TENM2: variants seen among roughly 807,000 people sequenced by gnomAD.
TENM2 encodes the protein teneurin transmembrane protein 2.
TENM2 carries 52 observed loss-of-function variants against 245.2 expected under a neutral mutation model. The observed-to-expected ratio is 0.21, with a 90% confidence interval of 0.17 to 0.27. TENM2 has a LOEUF of 0.27. Among genes scored for constraint, TENM2 ranks in the 10% least tolerant of loss-of-function variants. TENM2 has a pLI of 1.00. For missense variants in TENM2, 3,046 were observed against 3,666.8 expected, an observed-to-expected ratio of 0.83 and a Z score of 4.37; for synonymous variants, 1,363 against 1,438.9, an observed-to-expected ratio of 0.95 and a Z score of 1.19.
rs151312501 is a variant in TENM2 at position 168,260,992 on chromosome 5, C to T, written c.7563+579C>T. 1.4e-4 allele frequency among the ~76,000 whole-genome samples: 21 copies of T among 152,258 alleles called. No individual in the cohort carries two copies. In the East Asian group the frequency reaches 3.1e-3, roughly 22 times the overall value. ...CAGATAACCCCTGCTACAGAACCGG[C>T]GCTCAGCACTATCAAAGTCTGAAAG... On this transcript the variant is annotated intron_variant, in intron 28 of 28. Transcript: ENST00000518659.
intron 2 of TENM2, among the ~76,000 whole-genome samples, chr5:167,765,061 C>T (rs1029820118): frequency 6.6e-6 from 1 of 152,024 alleles, no homozygotes; most frequent in East Asian, 1.9e-4. Context: ...CTTGGGCTGG[C>T]GAGAGGCCTT....
chr5:167,815,817 G>T (rs147427042), intron 2 of TENM2, among the ~76,000 whole-genome samples: 1 of 151,406 alleles, frequency 6.6e-6, no homozygotes, highest in Non-Finnish European at 1.5e-5. Context: ...TAGATGAGAG[G>T]GATGCTAATG....
intron 3 of TENM2, among the ~76,000 whole-genome samples, chr5:167,903,145 T>C (rs7732836): frequency 0.25 from 37,623 of 152,028 alleles, 5,105 homozygotes; most frequent in East Asian, 0.48. Flanking sequence ...AGAAAACATA[T>C]ATATAAAAGA....
chr5:168,070,995 A>G (rs570450419), intron 7 of TENM2, among the ~76,000 whole-genome samples: 1 of 152,166 alleles, frequency 6.6e-6, no homozygotes, highest in Admixed American at 6.5e-5. Flanking sequence ...AAAGAGAAAG[A>G]GAAAGAAACT....
chr5:167,348,956 A>G (rs1017016744), intron 1 of TENM2, among the ~76,000 whole-genome samples: 8 of 152,178 alleles, frequency 5.3e-5, no homozygotes, highest in African/African-American at 9.7e-5. Flanking sequence ...TACAGGTACA[A>G]TTTTCACCTA....
At chr5:167,662,795 ACAC>A (rs2150327162) in intron 2 of TENM2, among the ~76,000 whole-genome samples, 1 of 152,256 alleles carries the variant, frequency 6.6e-6, no homozygotes, top group East Asian at 1.9e-4. Flanking sequence ...CTATGGACGA[ACAC>A]CACCATCAGC....
At chr5:168,116,948 T>C (rs1795127425) in intron 9 of TENM2, among the ~76,000 whole-genome samples, 1 of 152,194 alleles carries the variant, frequency 6.6e-6, no homozygotes. Flanking sequence ...ATCCGTCATT[T>C]CTGAAGGCCT....
intron 4 of TENM2, among the ~76,000 whole-genome samples, chr5:167,960,299 G>A (rs928051560): frequency 7.9e-5 from 12 of 152,318 alleles, no homozygotes; most frequent in Non-Finnish European, 1.6e-4. Flanking sequence ...GCCCACAGCC[G>A]CCCCTTCCCC....
rs374882111 is a variant in TENM2, at chr5:168,126,786, G to A, written c.2242G>A (p.Val748Ile). 6.0e-5 allele frequency: 97 copies of A among 1,613,068 alleles called. No individual in the cohort carries two copies. The East Asian group carries it at 6.7e-4, about 11-fold the overall frequency. ...CTCAGTAGACTGTGGCACTCACGGC[G>A]TCTGCATCGGGGGAGCCTGCCGCTG... Residue 748 changes from valine to isoleucine, a missense_variant, in exon 12 of 29, where the codon GTC becomes ATC. Transcript: ENST00000518659.
intron 1 of TENM2, among the ~76,000 whole-genome samples, chr5:167,304,349 G>A (rs533940710): frequency 9.9e-5 from 15 of 152,240 alleles, no homozygotes; most frequent in Admixed American, 4.6e-4. Flanking sequence ...CCTTACTCTT[G>A]CTCTTCTGAA....
At position 167,900,334 on chromosome 5, in the gene TENM2, G is replaced by C. The variant is rs566059317; in HGVS notation, c.712+24139G>C. Among the ~76,000 whole-genome samples, 36 of 152,216 alleles carry C rather than the reference G, an allele frequency of 2.4e-4. 3 individuals carry two copies. In the South Asian group the frequency reaches 6.9e-3, roughly 29 times the overall value. On this transcript the variant is annotated intron_variant, in intron 3 of 28. Transcript: ENST00000518659. ...CATACATGAAACCACCGTCAGTTAT[G>C]TGGGGGAGGAATTATTATCTGTGTA...
chr5:167,187,165 GT>G, the TENM2 span, among the ~76,000 whole-genome samples: 1 of 152,116 alleles, frequency 6.6e-6, no homozygotes, highest in African/African-American at 2.4e-5. Context: ...CTCTGTTCTG[GT>G]AGACATCAAA....
At chr5:167,714,410 A>G (rs1414291530) in intron 2 of TENM2, among the ~76,000 whole-genome samples, 1 of 152,166 alleles carries the variant, frequency 6.6e-6, no homozygotes. Flanking sequence ...TGAGAATGGC[A>G]TTGTTGGGTC....
chr5:167,431,029 C>A (rs1381410247), intron 2 of TENM2, among the ~76,000 whole-genome samples: 2 of 152,094 alleles, frequency 1.3e-5, no homozygotes, highest in African/African-American at 4.8e-5. Flanking sequence ...AATCTTCTCT[C>A]TTATTTGGGG....
chr5:167,055,916 A>G, the TENM2 span, among the ~76,000 whole-genome samples: 1 of 151,742 alleles, frequency 6.6e-6, no homozygotes, highest in Non-Finnish European at 1.5e-5. Flanking sequence ...TTCTTATTTT[A>G]TTGCATTAGC....
At chr5:167,293,409 G>A (rs886103789) in intron 1 of TENM2, among the ~76,000 whole-genome samples, 5 of 144,124 alleles carry the variant, frequency 3.5e-5, no homozygotes, top group Non-Finnish European at 3.0e-5. Context: ...TAGTAGAGAC[G>A]GGGTTTCTCC....
At chr5:168,154,029 G>A (rs753320151) in intron 12 of TENM2, among the ~76,000 whole-genome samples, 13 of 151,656 alleles carry the variant, frequency 8.6e-5, no homozygotes, top group Non-Finnish European at 1.2e-4. Flanking sequence ...CAGTGCAACC[G>A]GGTGATAACA....
chr5:167,551,560 A>G (rs1032550032), intron 2 of TENM2, among the ~76,000 whole-genome samples: 2 of 152,182 alleles, frequency 1.3e-5, no homozygotes, highest in Non-Finnish European at 2.9e-5. Context: ...TTATTTCTCC[A>G]TAACACTTAA....
the TENM2 span, among the ~76,000 whole-genome samples, chr5:167,112,544 C>T: frequency 6.6e-6 from 1 of 152,094 alleles, no homozygotes; most frequent in African/African-American, 2.4e-5. Flanking sequence ...TCAAATGTTT[C>T]GGTCCACTAT....
Sources: gnomAD v4.1 joint callset for allele counts (sites outside exome capture counted in the v4.1 genomes callset) on GRCh38, gnomAD v4.1.1 for gene constraint, MANE v1.5 for transcripts, NCBI Gene and HGNC (gene_info 2026-07-23, HGNC 2026-07-21) for gene names.